Variants in ARHGAP24 observed in about 807,000 individuals in gnomAD.
ARHGAP24 encodes Rho GTPase activating protein 24.
In ARHGAP24, 50 loss-of-function variants were observed where a neutral mutation model predicts 76.4. The ratio of observed to expected loss-of-function variants is 0.65; its 90% confidence interval spans 0.52 to 0.83. ARHGAP24 has a LOEUF of 0.83. Among genes scored for constraint, ARHGAP24 ranks in the 40% least tolerant of loss-of-function variants. The probability of loss-of-function intolerance (pLI) is 0.00; values close to 1 mark genes in which losing one functional copy is unlikely to be tolerated. For missense variants in ARHGAP24, 930 were observed against 914.2 expected (o/e 1.02, Z -0.22); for synonymous variants, 345 against 323.3 (o/e 1.07, Z -0.72).
At chr4:85,722,412 CA>C (rs374574500) in intron 3 of ARHGAP24, 22 of 195,590 alleles carry the variant, frequency 1.1e-4, no homozygotes, top group East Asian at 4.0e-4. Flanking sequence ...AACAAACAAA[CA>C]AAAAAAAACA....
chr4:85,890,623 C>T (rs916245751), intron 3 of ARHGAP24, among the ~76,000 whole-genome samples: 1 of 152,018 alleles, frequency 6.6e-6, no homozygotes, highest in Non-Finnish European at 1.5e-5. Flanking sequence ...CAGGAGGGAA[C>T]GTGGAAGTAA....
At chr4:85,619,496 T>TAA (rs1205256952) in intron 2 of ARHGAP24, among the ~76,000 whole-genome samples, 2 of 145,682 alleles carry the variant, frequency 1.4e-5, no homozygotes, top group African/African-American at 2.5e-5. Context: ...TCTATTTCTG[T>TAA]AAAAAAAAAA....
intron 2 of ARHGAP24, among the ~76,000 whole-genome samples, chr4:85,679,897 A>G: frequency 6.6e-6 from 1 of 152,218 alleles, no homozygotes; most frequent in East Asian, 1.9e-4. Flanking sequence ...TTGAAAGTGG[A>G]AATAAAGGGT....
chr4:85,822,635 A>C (rs1205501907), intron 3 of ARHGAP24, among the ~76,000 whole-genome samples: 2 of 152,218 alleles, frequency 1.3e-5, no homozygotes, highest in African/African-American at 4.8e-5. Context: ...ATTTTAGAAG[A>C]CAATACATTT....
intron 3 of ARHGAP24, among the ~76,000 whole-genome samples, chr4:85,742,247 T>C (rs925300753): frequency 2.6e-5 from 4 of 151,900 alleles, no homozygotes; most frequent in Non-Finnish European, 2.9e-5. Flanking sequence ...CCAGAAGAGA[T>C]AGGCAGTCAC....
At chr4:85,913,397 A>T (rs1435379537) in intron 3 of ARHGAP24, among the ~76,000 whole-genome samples, 1 of 151,174 alleles carries the variant, frequency 6.6e-6, no homozygotes, top group Non-Finnish European at 1.5e-5. Flanking sequence ...ATATTCACAC[A>T]CTTTTCATCT....
At chr4:85,581,460 C>T (rs533176189) in intron 2 of ARHGAP24, among the ~76,000 whole-genome samples, 52 of 152,090 alleles carry the variant, frequency 3.4e-4, no homozygotes, top group Non-Finnish European at 6.5e-4. Context: ...TAAACTTGTT[C>T]TACTTTGTGG....
chr4:85,557,811 C>T (rs1005646556), intron 1 of ARHGAP24, among the ~76,000 whole-genome samples: 3 of 152,192 alleles, frequency 2.0e-5, no homozygotes, highest in African/African-American at 4.8e-5. Flanking sequence ...CCTCTGGTCA[C>T]AGAAGACTAC....
chr4:85,858,052 A>G (rs775577281), intron 3 of ARHGAP24, among the ~76,000 whole-genome samples: 3 of 152,210 alleles, frequency 2.0e-5, no homozygotes, highest in Non-Finnish European at 2.9e-5. Flanking sequence ...TACCTACCAC[A>G]AAATAAGTTC....
chr4:85,795,636 G>C (rs1390979460), intron 3 of ARHGAP24, among the ~76,000 whole-genome samples: 1 of 152,002 alleles, frequency 6.6e-6, no homozygotes, highest in African/African-American at 2.4e-5. Context: ...GTATCTTTGA[G>C]AGACCTTACA....
At chr4:85,595,476 C>A (rs1157876926) in intron 2 of ARHGAP24, among the ~76,000 whole-genome samples, 1 of 152,076 alleles carries the variant, frequency 6.6e-6, no homozygotes. Context: ...AATTCATGGT[C>A]TAATTTCTCG....
At chr4:85,870,072 G>A (rs559567136) in intron 3 of ARHGAP24, among the ~76,000 whole-genome samples, 1 of 152,252 alleles carries the variant, frequency 6.6e-6, no homozygotes, top group Non-Finnish European at 1.5e-5. Context: ...TTGAGTTAAT[G>A]CATATAAAGC....
intron 1 of ARHGAP24, among the ~76,000 whole-genome samples, chr4:85,500,992 T>A (rs977559021): frequency 1.3e-5 from 2 of 152,090 alleles, no homozygotes; most frequent in African/African-American, 4.8e-5. Context: ...GTCTTTGTGA[T>A]AGTTTGCTCA....
intron 5 of ARHGAP24, among the ~76,000 whole-genome samples, chr4:85,953,308 A>T (rs898267957): frequency 6.6e-6 from 1 of 152,108 alleles, no homozygotes; most frequent in Non-Finnish European, 1.5e-5. Context: ...TTATTTTTCA[A>T]ATTTGTTTTG....
At chr4:85,695,117 G>A (rs1335578225) in intron 2 of ARHGAP24, among the ~76,000 whole-genome samples, 1 of 152,130 alleles carries the variant, frequency 6.6e-6, no homozygotes, top group Non-Finnish European at 1.5e-5. Context: ...CATCTCAACT[G>A]GAAGATCTTA....
intron 2 of ARHGAP24, among the ~76,000 whole-genome samples, chr4:85,706,022 G>A (rs898593675): frequency 2.6e-5 from 4 of 152,156 alleles, no homozygotes; most frequent in Admixed American, 6.5e-5. Flanking sequence ...TTGCAGGGGA[G>A]AGGGCACAGA....
intron 3 of ARHGAP24, among the ~76,000 whole-genome samples, chr4:85,848,645 G>A (rs1299241450): frequency 3.9e-5 from 6 of 152,264 alleles, no homozygotes; most frequent in African/African-American, 1.4e-4. Flanking sequence ...AAGAGATCCG[G>A]TTTCAGCTTT....
intron 3 of ARHGAP24, among the ~76,000 whole-genome samples, chr4:85,882,676 A>C (rs1430653676): frequency 6.6e-6 from 1 of 152,202 alleles, no homozygotes; most frequent in East Asian, 1.9e-4. Context: ...GAGATTCAAG[A>C]AGCATTTAGC....
intron 3 of ARHGAP24, among the ~76,000 whole-genome samples, chr4:85,776,181 T>C (rs992608658): frequency 1.3e-5 from 2 of 152,152 alleles, no homozygotes; most frequent in Non-Finnish European, 2.9e-5. Flanking sequence ...GTAAAAGCCT[T>C]CTTCTAGTGT....
Sources: gnomAD v4.1 joint callset for allele counts (sites outside exome capture counted in the v4.1 genomes callset) on GRCh38, gnomAD v4.1.1 for gene constraint, MANE v1.5 for transcripts, NCBI Gene and HGNC (gene_info 2026-07-23, HGNC 2026-07-21) for gene names.